DCC: variants seen among roughly 807,000 people sequenced by gnomAD.
DCC encodes the protein netrin receptor DCC.
Under a neutral mutation model 172.5 loss-of-function variants are expected in DCC, and 58 were observed. That is an observed-to-expected ratio of 0.34 (90% CI 0.27 to 0.42). The LOEUF (loss-of-function observed/expected upper bound fraction) is 0.42. DCC is among the 10% of genes least tolerant of loss of function. DCC has a pLI of 1.00. For missense variants in DCC, 1,740 were observed against 1,791.0 expected, an observed-to-expected ratio of 0.97 and a Z score of 0.51; for synonymous variants, 709 against 644.5, an observed-to-expected ratio of 1.10 and a Z score of -1.52.
At chr18:52,498,348 G>A (rs1185752711) in intron 1 of DCC, among the ~76,000 whole-genome samples, 1 of 152,122 alleles carries the variant, frequency 6.6e-6, no homozygotes, top group East Asian at 1.9e-4. Flanking sequence ...TACTGGCCAG[G>A]CACAGTGGCT....
intron 16 of DCC, among the ~76,000 whole-genome samples, chr18:53,386,566 A>G (rs532200273): frequency 1.6e-4 from 24 of 152,254 alleles, no homozygotes; most frequent in Non-Finnish European, 3.4e-4. Context: ...AGGGTCTTTC[A>G]AACTAAGATG....
intron 1 of DCC, among the ~76,000 whole-genome samples, chr18:52,477,654 C>A (rs977377217): frequency 6.6e-6 from 1 of 152,146 alleles, no homozygotes; most frequent in Non-Finnish European, 1.5e-5. Context: ...TCGCCCAACA[C>A]CCCATCTCAC....
chr18:53,468,820 A>G (rs1311488143), intron 25 of DCC, among the ~76,000 whole-genome samples: 1 of 152,084 alleles, frequency 6.6e-6, no homozygotes, highest in Non-Finnish European at 1.5e-5. Flanking sequence ...TCCCACATTC[A>G]CTGAAGATAT....
intron 2 of DCC, among the ~76,000 whole-genome samples, chr18:52,870,222 C>T (rs1167833738): frequency 1.3e-5 from 2 of 152,058 alleles, no homozygotes; most frequent in Non-Finnish European, 2.9e-5. Context: ...GACGCAGGAA[C>T]AGAGTCCGGA....
chr18:53,221,201 A>G (rs2055927580), intron 12 of DCC, among the ~76,000 whole-genome samples: 1 of 152,064 alleles, frequency 6.6e-6, no homozygotes, highest in African/African-American at 2.4e-5. Context: ...AAGCATTTGT[A>G]AATGTGCAGT....
At chr18:52,929,403 T>C (rs562105248) in intron 5 of DCC, among the ~76,000 whole-genome samples, 68 of 152,282 alleles carry the variant, frequency 4.5e-4, no homozygotes, top group African/African-American at 1.6e-3. Context: ...TTATGTGATG[T>C]AAATAAGAAC....
At chr18:53,359,476 G>A (rs1217849249) in intron 15 of DCC, among the ~76,000 whole-genome samples, 3 of 151,952 alleles carry the variant, frequency 2.0e-5, no homozygotes, top group African/African-American at 4.8e-5. Flanking sequence ...AAAACTCCTG[G>A]TAAAACAAGA....
chr18:52,975,754 A>G (rs12969393), intron 5 of DCC, among the ~76,000 whole-genome samples: 1 of 152,206 alleles, frequency 6.6e-6, no homozygotes, highest in African/African-American at 2.4e-5. Context: ...TATCCAGTCT[A>G]TCATTGATGG....
intron 15 of DCC, among the ~76,000 whole-genome samples, chr18:53,383,770 CTTTA>C (rs1196217457): frequency 2.0e-5 from 3 of 151,760 alleles, no homozygotes; most frequent in Non-Finnish European, 4.4e-5. Flanking sequence ...GGAACACAGA[CTTTA>C]TTTAACCTTT....
chr18:52,815,398 G>A (rs1401821762), intron 2 of DCC, among the ~76,000 whole-genome samples: 1 of 122,204 alleles, frequency 8.2e-6, no homozygotes, highest in Non-Finnish European at 1.7e-5. Flanking sequence ...ACTTGCGCTT[G>A]CCTTCTCACA....
chr18:53,435,851 T>C (rs559245901), intron 22 of DCC, among the ~76,000 whole-genome samples: 5 of 152,276 alleles, frequency 3.3e-5, no homozygotes, highest in East Asian at 3.9e-4. Flanking sequence ...ATCTTATCCT[T>C]AGTTTTGCTG....
intron 5 of DCC, among the ~76,000 whole-genome samples, chr18:52,989,422 T>C (rs191968939): frequency 3.9e-5 from 6 of 152,054 alleles, no homozygotes; most frequent in Middle Eastern, 3.4e-3. Flanking sequence ...ACTCAGGAGA[T>C]GGAGGCAGGA....
intron 15 of DCC, among the ~76,000 whole-genome samples, chr18:53,352,180 C>A (rs1450074742): frequency 6.6e-6 from 1 of 151,980 alleles, no homozygotes; most frequent in Non-Finnish European, 1.5e-5. Context: ...ATAATATAAT[C>A]CAGCTACATA....
intron 12 of DCC, among the ~76,000 whole-genome samples, chr18:53,283,100 A>C (rs2056892715): frequency 6.6e-6 from 1 of 151,942 alleles, no homozygotes. Context: ...AGTAACCTGC[A>C]GGCAACTCAG....
intron 1 of DCC, among the ~76,000 whole-genome samples, chr18:52,439,170 T>C (rs1297528540): frequency 4.1e-5 from 3 of 73,382 alleles, no homozygotes; most frequent in African/African-American, 1.7e-4. Context: ...TTGGAAGATA[T>C]GTTTTGTGTG....
intron 21 of DCC, among the ~76,000 whole-genome samples, chr18:53,426,972 G>A (rs1911012505): frequency 6.6e-6 from 1 of 152,068 alleles, no homozygotes; most frequent in Admixed American, 6.6e-5. Flanking sequence ...ATCCTCTTCT[G>A]CCTCTTCTTC....
intron 15 of DCC, among the ~76,000 whole-genome samples, chr18:53,353,145 C>A: frequency 6.6e-6 from 1 of 151,900 alleles, no homozygotes; most frequent in East Asian, 1.9e-4. Context: ...GATGTGGTGA[C>A]ACATGCCTGT....
chr18:52,858,428 C>A (rs1568149985), intron 2 of DCC, among the ~76,000 whole-genome samples: 1 of 152,160 alleles, frequency 6.6e-6, no homozygotes, highest in African/African-American at 2.4e-5. Context: ...TTGGAACTCA[C>A]AACACACAGA....
At chr18:53,005,955 A>C (rs185270821) in intron 5 of DCC, among the ~76,000 whole-genome samples, 14 of 152,258 alleles carry the variant, frequency 9.2e-5, no homozygotes, top group Admixed American at 8.5e-4. Context: ...TGGGATTCCT[A>C]TAGTATGTTC....
Sources: gnomAD v4.1 joint callset for allele counts (sites outside exome capture counted in the v4.1 genomes callset) on GRCh38, gnomAD v4.1.1 for gene constraint, MANE v1.5 for transcripts, NCBI Gene and HGNC (gene_info 2026-07-23, HGNC 2026-07-21) for gene names.